The following CEP83 variants were observed in gnomAD, a reference collection of about 807,000 sequenced individuals.
The protein encoded by CEP83 is centrosomal protein 83.
Under a neutral mutation model 101.9 loss-of-function variants are expected in CEP83, and 70 were observed. The ratio of observed to expected loss-of-function variants is 0.69; its 90% CI spans 0.57 to 0.84. CEP83 has a LOEUF of 0.84. Ranked by LOEUF, CEP83 falls within the 40% of genes least tolerant of loss-of-function variation. The probability of loss-of-function intolerance (pLI) is 0.00; values close to 1 mark genes in which losing one functional copy is unlikely to be tolerated. For missense variants in CEP83, 715 were observed against 787.2 expected (o/e 0.91, Z 1.10); for synonymous variants, 264 against 267.9 (o/e 0.99, Z 0.14).
In CEP83 at chr12:94,373,071, C is replaced by A. The variant is rs1355379803; in HGVS notation, c.933+2815G>T. On this transcript the variant is annotated intron_variant, in intron 8 of 16. Transcript: ENST00000397809. ...TAAAGTTTCTTTCTGCCCCTAGATC[C>A]TTGGTTCTTAATCTTCTTTGTGATC... Among the ~76,000 whole-genome samples the A allele has an allele frequency of 3.3e-5, 5 of 152,092 alleles. No homozygotes were observed. In the East Asian group the frequency reaches 7.7e-4, roughly 23 times the overall value.
At chr12:94,356,816 G>A (rs1293595401) in intron 11 of CEP83, among the ~76,000 whole-genome samples, 1 of 152,154 alleles carries the variant, frequency 6.6e-6, no homozygotes, top group Non-Finnish European at 1.5e-5. Context: ...GTGGGCAGAT[G>A]AAGCTTCCAT....
chr12:94,376,747 A>T (rs5800156), intron 7 of CEP83, among the ~76,000 whole-genome samples: 25,142 of 119,476 alleles, frequency 0.21, 2,474 homozygotes, highest in Non-Finnish European at 0.24. Flanking sequence ...ATATATATAT[A>T]TTTTTTTTTT....
chr12:94,286,684 C>A, the CEP83 span, among the ~76,000 whole-genome samples: 1 of 145,584 alleles, frequency 6.9e-6, no homozygotes, highest in African/African-American at 2.6e-5. Context: ...TTAAGTGAAT[C>A]AGACTCACCT....
At chr12:94,278,170 A>G in the CEP83 span, 5 of 387,364 alleles carry the variant, frequency 1.3e-5, no homozygotes, top group Admixed American at 3.1e-5. Context: ...CAAAATTCCC[A>G]TTACTTGATC....
At chr12:94,424,487 A>T in intron 2 of CEP83, 1 of 1,613,950 alleles carries the variant, frequency 6.2e-7, no homozygotes, top group Non-Finnish European at 8.5e-7. Flanking sequence ...GGTGGAGATA[A>T]CCTGGCCAAA....
intron 2 of CEP83, among the ~76,000 whole-genome samples, chr12:94,429,996 G>A (rs1231503016): frequency 6.6e-6 from 1 of 152,108 alleles, no homozygotes; most frequent in Admixed American, 6.5e-5. Flanking sequence ...ACATTGTGCT[G>A]GGGGCCTAAG....
In CEP83 at chr12:94,389,333, A is replaced by G. The variant is rs552683926; in HGVS notation, c.550-10291T>C. 4.6e-5 allele frequency among the ~76,000 whole-genome samples: 7 copies of G among 152,334 alleles called. No individual in the cohort carries two copies. The South Asian group carries it at 6.2e-4, about 14-fold the overall frequency. ...ATTTATTATGTTAATTGGTACCATGATAATAACTGTGAGGTATGAATGATA... is the reference window on the plus strand; with the variant it reads ...ATTTATTATGTTAATTGGTACCATGGTAATAACTGTGAGGTATGAATGATA... On this transcript the variant is annotated intron_variant, in intron 6 of 16. Transcript: ENST00000397809.
chr12:94,279,633 T>G, the CEP83 span: 1 of 1,614,210 alleles, frequency 6.2e-7, no homozygotes, highest in Non-Finnish European at 8.5e-7. Context: ...GACTTCAGCT[T>G]AATGAAATTG....
chr12:94,354,679 A>G (rs2060360379), intron 11 of CEP83, among the ~76,000 whole-genome samples: 4 of 152,186 alleles, frequency 2.6e-5, no homozygotes, highest in African/African-American at 9.7e-5. Context: ...ATTAAATAAC[A>G]TGCTCCTGAA....
chr12:94,322,695 C>G (rs1426002218), intron 14 of CEP83, among the ~76,000 whole-genome samples: 1 of 152,218 alleles, frequency 6.6e-6, no homozygotes, highest in Non-Finnish European at 1.5e-5. Context: ...GAGGAAGCAG[C>G]CTGACCACTT....
At chr12:94,399,981 A>G (rs1026259996) in intron 6 of CEP83, among the ~76,000 whole-genome samples, 6 of 152,336 alleles carry the variant, frequency 3.9e-5, no homozygotes, top group Non-Finnish European at 7.3e-5. Context: ...AATCAGTCCG[A>G]TCCAAATAGA....
the CEP83 span, among the ~76,000 whole-genome samples, chr12:94,275,321 A>C: frequency 1.3e-5 from 2 of 152,250 alleles, no homozygotes; most frequent in Non-Finnish European, 2.9e-5. Flanking sequence ...GCAGGAGAAC[A>C]TGCTGGTTAA....
intron 14 of CEP83, among the ~76,000 whole-genome samples, chr12:94,314,776 C>T (rs1422318337): frequency 6.6e-6 from 1 of 152,160 alleles, no homozygotes; most frequent in Non-Finnish European, 1.5e-5. Flanking sequence ...TTTTTATCAC[C>T]ATAAGTATTT....
the CEP83 span, among the ~76,000 whole-genome samples, chr12:94,291,970 A>G: frequency 1.3e-5 from 2 of 152,260 alleles, no homozygotes; most frequent in African/African-American, 2.4e-5. Context: ...CTTCATATCA[A>G]TAGGACCATA....
At chr12:94,393,499 A>G (rs1482591786) in intron 6 of CEP83, among the ~76,000 whole-genome samples, 6 of 152,244 alleles carry the variant, frequency 3.9e-5, no homozygotes. Flanking sequence ...GCTATTTATG[A>G]CAAACCCACA....
At chr12:94,395,403 CCT>C (rs1320033216) in intron 6 of CEP83, among the ~76,000 whole-genome samples, 1 of 151,730 alleles carries the variant, frequency 6.6e-6, no homozygotes, top group African/African-American at 2.4e-5. Flanking sequence ...TGATGAGTTT[CCT>C]CTTTTTCCCT....
rs754463997 is a variant in CEP83 at position 94,366,601 on chromosome 12, TA to T, written c.1343+1192del. Among the ~76,000 whole-genome samples, 203 of 152,268 alleles carry T rather than the reference TA, an allele frequency of 1.3e-3. 1 individual carries two copies. Among genetic ancestry groups the T allele is most frequent in the Middle Eastern group, 3.4e-3 (1 of 294 alleles). On this transcript the variant is annotated intron_variant, in intron 11 of 16. Coordinates refer to ENST00000397809, the MANE Select transcript of CEP83 (RefSeq NM_016122.3). ...TGGAACAGAACTGGAAATATCAATGTAAACTCAAGATTATTAATATAGAGAA... is the reference window on the plus strand; with the variant it reads ...TGGAACAGAACTGGAAATATCAATGTAACTCAAGATTATTAATATAGAGAA...
chr12:94,432,287 C>T (rs1032326074), intron 2 of CEP83, among the ~76,000 whole-genome samples: 1 of 151,978 alleles, frequency 6.6e-6, no homozygotes, highest in African/African-American at 2.4e-5. Flanking sequence ...CAGTCTCAAC[C>T]TCCTGGCCTC....
At chr12:94,396,101 A>G (rs2062871498) in intron 6 of CEP83, among the ~76,000 whole-genome samples, 1 of 152,080 alleles carries the variant, frequency 6.6e-6, no homozygotes, top group South Asian at 2.1e-4. Flanking sequence ...GTCTACCATT[A>G]TAATTACCTG....
Sources: allele counts gnomAD v4.1 joint callset (sites outside exome capture counted in the v4.1 genomes callset), GRCh38; gene constraint gnomAD v4.1.1; transcripts MANE v1.5; gene names NCBI Gene and HGNC (gene_info 2026-07-23, HGNC 2026-07-21).